The following HEATR4 variants were observed in gnomAD, a reference collection of about 807,000 sequenced individuals.
HEATR4 encodes HEAT repeat-containing protein 4.
A neutral mutation model predicts 108.8 loss-of-function variants in HEATR4; 95 were observed. That is an observed-to-expected ratio of 0.87 (90% CI 0.74 to 1.04). The LOEUF (loss-of-function observed/expected upper bound fraction) is 1.04. HEATR4 is among the 50% of genes least tolerant of loss of function. The pLI is 0.00. For missense variants in HEATR4, 1,152 were observed against 1,253.8 expected (o/e 0.92, Z 1.23); for synonymous variants, 443 against 459.4 (o/e 0.96, Z 0.46).
intron 15 of HEATR4, among the ~76,000 whole-genome samples, chr14:73,495,695 G>A (rs1489423014): frequency 1.3e-5 from 2 of 152,164 alleles, no homozygotes; most frequent in Non-Finnish European, 2.9e-5. Context: ...ATACCTGTTC[G>A]TGAAAATTTT....
chr14:73,583,113 G>A, the HEATR4 span, among the ~76,000 whole-genome samples: 6 of 151,982 alleles, frequency 3.9e-5, no homozygotes, highest in African/African-American at 1.2e-4. Context: ...GGAGGCCGAG[G>A]CGGGCGGATC....
upstream of HEATR4, among the ~76,000 whole-genome samples, chr14:73,560,078 TTCA>T (rs1214686542): frequency 3.3e-5 from 5 of 152,268 alleles, no homozygotes; most frequent in Admixed American, 3.3e-4. Context: ...ATAGTATAAT[TTCA>T]CACGTACAGA....
chr14:73,586,614 G>A, the HEATR4 span, among the ~76,000 whole-genome samples: 5 of 150,978 alleles, frequency 3.3e-5, no homozygotes, highest in East Asian at 1.9e-4. Flanking sequence ...GCTGAGACAC[G>A]AGAATTGCTT....
chr14:73,602,197 C>T, the HEATR4 span, among the ~76,000 whole-genome samples: 6 of 152,078 alleles, frequency 3.9e-5, no homozygotes, highest in African/African-American at 1.4e-4. Context: ...CCTCGGCCTC[C>T]CAAAGTGCTG....
In HEATR4 at chr14:73,530,210, TC is replaced by T. The variant is rs2140305273; in HGVS notation, c.-118del. On this transcript the variant is annotated 5_prime_UTR_variant, in exon 2 of 18. Transcript: ENST00000553558. ...TCAAACTCCTGGAATCAAGCGATCT[TC>T]CTGCCTTGGCCTCCAGAAATGCTGG... 6.9e-6 allele frequency: 1 copy of T among 144,912 alleles called. No homozygotes were observed. The highest frequency in any genetic ancestry group is 7.4e-5 in the Admixed American group (1 of 13,564). The allele number at this position is 144,912 out of a possible 1,614,324, so 9.0% of individuals were successfully genotyped here.
chr14:73,545,387 A>C (rs1889216517), intron 1 of HEATR4, among the ~76,000 whole-genome samples: 1 of 92,710 alleles, frequency 1.1e-5, no homozygotes, highest in South Asian at 3.7e-4. Context: ...AAAGGAATTC[A>C]TGGTTTTGTA....
chr14:73,517,937 T>C (rs1887723426), intron 5 of HEATR4, among the ~76,000 whole-genome samples: 1 of 151,982 alleles, frequency 6.6e-6, no homozygotes, highest in Non-Finnish European at 1.5e-5. Context: ...AATACAAAAA[T>C]TAGCTGGGTG....
In HEATR4 at chr14:73,544,892, C is replaced by T. The variant is rs1465478132; in HGVS notation, c.-152+13859G>A. On this transcript the variant is annotated intron_variant, in intron 1 of 17. Coordinates refer to ENST00000553558, the MANE Select transcript of HEATR4 (RefSeq NM_001220484.1). ...GCAGTGAGCCGAGATTGTGCTACTG[C>T]GCTCTAGCCTGGGTGACAGCAGGAT... 8.1e-5 allele frequency among the ~76,000 whole-genome samples: 9 copies of T among 110,554 alleles called. 1 individual carries two copies. The highest frequency in any genetic ancestry group is 2.1e-4 in the African/African-American group (7 of 34,094). 72.5% of individuals were successfully genotyped at this position (110,554 alleles called of 152,430 possible). A position where few individuals can be genotyped will look rare whatever the true frequency, so the allele number is the denominator to read the frequency against.
At chr14:73,620,548 C>G in the HEATR4 span, among the ~76,000 whole-genome samples, 3 of 151,968 alleles carry the variant, frequency 2.0e-5, no homozygotes, top group Non-Finnish European at 4.4e-5. Context: ...ACTCGATTGC[C>G]TTAAGGAATG....
At chr14:73,481,319 AT>A (rs1405456272) in intron 17 of HEATR4, among the ~76,000 whole-genome samples, 2 of 151,936 alleles carry the variant, frequency 1.3e-5, no homozygotes, top group Admixed American at 1.3e-4. Context: ...CACGCCTGTA[AT>A]CCCAGCTACT....
At chr14:73,500,477 T>G in intron 12 of HEATR4, 73 bp downstream of exon 12, 1 of 1,455,872 alleles carries the variant, frequency 6.9e-7, no homozygotes, top group Non-Finnish European at 9.4e-7. Flanking sequence ...TTGAGCATAC[T>G]GTGCACAACC....
the HEATR4 span, among the ~76,000 whole-genome samples, chr14:73,589,931 T>C: frequency 6.6e-6 from 1 of 152,152 alleles, no homozygotes; most frequent in Non-Finnish European, 1.5e-5. Context: ...TGTCTGGAGT[T>C]GTTCGTTCCT....
chr14:73,615,733 CAACAAACAAACAAACAAACA>C, the HEATR4 span, among the ~76,000 whole-genome samples: 1 of 150,342 alleles, frequency 6.7e-6, no homozygotes, highest in African/African-American at 2.5e-5. Context: ...AACCTTGTCT[CAACAAACAAACAAACAAACA>C]AACAAACAAA....
At chr14:73,559,034 T>C (rs1368563599), upstream of HEATR4, 1 of 152,018 alleles carries the variant, frequency 6.6e-6, no homozygotes, top group Non-Finnish European at 1.5e-5. Context: ...GTCGGGGGTA[T>C]ATCTTCAACC....
the HEATR4 span, chr14:73,631,326 C>G: frequency 6.6e-6 from 1 of 152,028 alleles, no homozygotes; most frequent in Non-Finnish European, 1.5e-5. Context: ...CTCTGTCACC[C>G]AGGCTGGGGT....
the HEATR4 span, among the ~76,000 whole-genome samples, chr14:73,629,734 TCCCGGGTTCACGCCATTC>T: frequency 6.6e-6 from 1 of 151,604 alleles, no homozygotes; most frequent in Non-Finnish European, 1.5e-5. Flanking sequence ...AAGCTCTGCC[TCCCGGGTTCACGCCATTC>T]TCCTGCCTCA....
chr14:73,502,309 A>G (rs1165164912), intron 11 of HEATR4, among the ~76,000 whole-genome samples: 1 of 151,872 alleles, frequency 6.6e-6, no homozygotes, highest in African/African-American at 2.4e-5. Context: ...CTAGTTTTTA[A>G]TGATTTGGTA....
chr14:73,503,544 C>A (rs1566827846), intron 10 of HEATR4, among the ~76,000 whole-genome samples: 1 of 152,234 alleles, frequency 6.6e-6, no homozygotes, highest in Non-Finnish European at 1.5e-5. Flanking sequence ...CTAGAAGTAT[C>A]TCCCTTCTCT....
the HEATR4 span, among the ~76,000 whole-genome samples, chr14:73,586,647 A>C: frequency 2.7e-5 from 4 of 150,806 alleles, no homozygotes; most frequent in Non-Finnish European, 5.9e-5. Context: ...TGGAGGTTGC[A>C]GTGACCCAAG....
Sources: gnomAD v4.1 joint callset for allele counts (sites outside exome capture counted in the v4.1 genomes callset) on GRCh38, gnomAD v4.1.1 for gene constraint, MANE v1.5 for transcripts, NCBI Gene and HGNC (gene_info 2026-07-23, HGNC 2026-07-21) for gene names.